NR3C2: variants seen among roughly 807,000 people sequenced by gnomAD.
NR3C2 encodes mineralocorticoid receptor.
Under a neutral mutation model 86.4 loss-of-function variants are expected in NR3C2, and 15 were observed. The observed-to-expected ratio is 0.17, with a 90% CI of 0.12 to 0.27. The LOEUF (loss-of-function observed/expected upper bound fraction) is 0.27. Among genes scored for constraint, NR3C2 ranks in the 10% least tolerant of loss-of-function variants. NR3C2 has a pLI of 1.00. For missense variants in NR3C2, 960 were observed against 1,195.6 expected, an observed-to-expected ratio of 0.80 and a Z score of 2.91; for synonymous variants, 458 against 450.5, an observed-to-expected ratio of 1.02 and a Z score of -0.21.
chr4:148,269,770 G>C (rs896425166), intron 2 of NR3C2, among the ~76,000 whole-genome samples: 2 of 152,176 alleles, frequency 1.3e-5, no homozygotes, highest in Non-Finnish European at 2.9e-5. Flanking sequence ...AATCCTCAGG[G>C]AAGGAATCAT....
chr4:148,084,396 A>G (rs965715227), intron 8 of NR3C2, among the ~76,000 whole-genome samples: 1 of 152,208 alleles, frequency 6.6e-6, no homozygotes, highest in Non-Finnish European at 1.5e-5. Flanking sequence ...TCAACCCAGA[A>G]TTTCATATCT....
chr4:148,445,150 C>T (rs1390470673), upstream of NR3C2, among the ~76,000 whole-genome samples: 2 of 152,152 alleles, frequency 1.3e-5, no homozygotes, highest in Admixed American at 1.3e-4. Context: ...AGCCCAAATG[C>T]ACGCACCCCC....
At chr4:148,296,924 G>A (rs1442569782) in intron 2 of NR3C2, among the ~76,000 whole-genome samples, 1 of 152,114 alleles carries the variant, frequency 6.6e-6, no homozygotes, top group Non-Finnish European at 1.5e-5. Context: ...TAAAAGACCA[G>A]ATAACACCTA....
chr4:148,273,250 T>C (rs1407132728), intron 2 of NR3C2, among the ~76,000 whole-genome samples: 1 of 152,246 alleles, frequency 6.6e-6, no homozygotes, highest in Non-Finnish European at 1.5e-5. Context: ...GGACATTATA[T>C]CTTCGTCTAT....
At chr4:148,270,077 ATT>A (rs11303019) in intron 2 of NR3C2, among the ~76,000 whole-genome samples, 210 of 145,800 alleles carry the variant, frequency 1.4e-3, no homozygotes, top group Middle Eastern at 3.6e-3. Context: ...TGATTTCAGC[ATT>A]TTTTTTTTTT....
At chr4:148,268,202 G>A (rs1453427916) in intron 2 of NR3C2, among the ~76,000 whole-genome samples, 5 of 152,154 alleles carry the variant, frequency 3.3e-5, no homozygotes, top group African/African-American at 7.2e-5. Context: ...GCCTCCCAAA[G>A]TGCTAGGATT....
intron 2 of NR3C2, among the ~76,000 whole-genome samples, chr4:148,414,160 T>TA (rs1317211349): frequency 6.6e-6 from 1 of 152,158 alleles, no homozygotes; most frequent in Non-Finnish European, 1.5e-5. Context: ...CAAAAATCAT[T>TA]AGATGTTTTG....
At chr4:148,422,065 A>G (rs72658664) in intron 2 of NR3C2, among the ~76,000 whole-genome samples, 21 of 152,274 alleles carry the variant, frequency 1.4e-4, no homozygotes, top group African/African-American at 4.6e-4. Flanking sequence ...TGCTATGCTT[A>G]TAACTCCTCC....
At chr4:148,138,929 A>C (rs1271460987) in intron 6 of NR3C2, among the ~76,000 whole-genome samples, 1 of 152,236 alleles carries the variant, frequency 6.6e-6, no homozygotes, top group African/African-American at 2.4e-5. Context: ...ATTTGTGCTC[A>C]TGCACATTCT....
At chr4:148,339,160 A>T (rs1387419180) in intron 2 of NR3C2, among the ~76,000 whole-genome samples, 2 of 152,146 alleles carry the variant, frequency 1.3e-5, no homozygotes, top group Non-Finnish European at 2.9e-5. Flanking sequence ...GTCCTAAAAG[A>T]AAAGTTAAAC....
chr4:148,361,121 C>G (rs994259147), intron 2 of NR3C2, among the ~76,000 whole-genome samples: 1 of 152,028 alleles, frequency 6.6e-6, no homozygotes, highest in African/African-American at 2.4e-5. Flanking sequence ...TAAATAAAAA[C>G]AGTGAAGTGT....
rs1750016042 is a variant in NR3C2, at chr4:148,435,639, T to C, written c.1222A>G (p.Ser408Gly). 12 of 1,614,228 alleles carry C rather than the reference T, an allele frequency of 7.4e-6. No homozygotes were observed. The highest frequency in any genetic ancestry group is 1.0e-5 in the Non-Finnish European group (12 of 1,180,044). Residue 408 changes from serine (S) to glycine (G), a missense_variant, in exon 2 of 9, where the codon AGC becomes GGC. By Grantham distance (56) the Ser-to-Gly change is moderately conservative. This residue lies in a region of NR3C2 where 680 missense variants were observed against 719.0 expected (regional missense o/e 0.95). Coordinates refer to ENST00000358102, the MANE Select transcript of NR3C2 (RefSeq NM_000901.5). ...TTGCTATTTCCTCCTAGACATGAGC[T>C]GCTAAAAGCTCCATCTGGTTCTGGT... The part of the protein sequence containing the change: ...IKPEPDGAFS[S>G]SCLGGNSKIN...
chr4:148,102,261 G>A (rs544151792), intron 8 of NR3C2, among the ~76,000 whole-genome samples: 129 of 152,318 alleles, frequency 8.5e-4, no homozygotes, highest in Non-Finnish European at 1.7e-3. Flanking sequence ...TGCACCAACA[G>A]CTGGGCAGTT....
chr4:148,205,183 T>C (rs755644085), intron 3 of NR3C2, among the ~76,000 whole-genome samples: 3 of 152,186 alleles, frequency 2.0e-5, no homozygotes, highest in Non-Finnish European at 4.4e-5. Context: ...AGAGCAGATA[T>C]TGGTAACAAA....
At chr4:148,253,959 T>C (rs1484519267) in intron 3 of NR3C2, among the ~76,000 whole-genome samples, 1 of 152,074 alleles carries the variant, frequency 6.6e-6, no homozygotes, top group Non-Finnish European at 1.5e-5. Flanking sequence ...CTGCCCCTGC[T>C]CCAGTATTCC....
chr4:148,364,510 GA>G (rs762213004), intron 2 of NR3C2, among the ~76,000 whole-genome samples: 3 of 152,208 alleles, frequency 2.0e-5, no homozygotes, highest in Non-Finnish European at 4.4e-5. Context: ...GCTACTCTCT[GA>G]AATTGTAGAG....
intron 2 of NR3C2, among the ~76,000 whole-genome samples, chr4:148,370,156 G>A (rs1746345091): frequency 6.6e-6 from 1 of 152,152 alleles, no homozygotes; most frequent in African/African-American, 2.4e-5. Context: ...CATGCAATGT[G>A]ACCACATAAC....
At chr4:148,086,208 C>A (rs1464996570) in intron 8 of NR3C2, among the ~76,000 whole-genome samples, 1 of 152,184 alleles carries the variant, frequency 6.6e-6, no homozygotes, top group Non-Finnish European at 1.5e-5. Context: ...TCCCTGATGA[C>A]CATTGATGCA....
At chr4:148,326,083 G>A (rs542799389) in intron 2 of NR3C2, among the ~76,000 whole-genome samples, 3 of 152,228 alleles carry the variant, frequency 2.0e-5, no homozygotes, top group Middle Eastern at 3.4e-3. Context: ...AAAAACTACA[G>A]ATGTTTCATT....
Sources: allele counts gnomAD v4.1 joint callset (sites outside exome capture counted in the v4.1 genomes callset), GRCh38; gene constraint gnomAD v4.1.1; regional missense constraint gnomAD v4.1.1; transcripts MANE v1.5; gene names NCBI Gene and HGNC (gene_info 2026-07-23, HGNC 2026-07-21).